The following RPTOR variants were observed in gnomAD, a reference collection of about 807,000 sequenced individuals.
RPTOR encodes regulatory-associated protein of mTOR.
In RPTOR, 21 loss-of-function variants were observed where a neutral mutation model predicts 169.9. The ratio of observed to expected loss-of-function variants is 0.12; its 90% CI spans 0.09 to 0.18. RPTOR has a LOEUF of 0.18. Ranked by LOEUF, RPTOR falls within the 10% of genes least tolerant of loss-of-function variation. The pLI is 1.00. For missense variants in RPTOR, 1,133 were observed against 1,855.9 expected (o/e 0.61, Z 7.16); for synonymous variants, 732 against 753.2 (o/e 0.97, Z 0.46).
At chr17:80,945,342 C>G (rs921326936) in intron 25 of RPTOR, among the ~76,000 whole-genome samples, 10 of 152,018 alleles carry the variant, frequency 6.6e-5, no homozygotes, top group African/African-American at 2.2e-4. Flanking sequence ...CCTGTAATCC[C>G]AGCACTTTGG....
Position 80,721,447 on chromosome 17 carries a change from G to A in RPTOR, c.508-9113G>A, listed in dbSNP as rs1316345128. ...GCACGCACCTGGTGCAGGAGCAGCA[G>A]AAGCCATGCTGGCTCTTCCTGCTGC... On this transcript the variant is annotated intron_variant, in intron 4 of 33. Transcript: ENST00000306801. The surrounding 1 kb of genome is among the most constrained non-coding windows in gnomAD (Gnocchi z 4.7). Among the ~76,000 whole-genome samples the A allele has an allele frequency of 6.6e-6, 1 of 151,476 alleles. No homozygotes were observed. Among genetic ancestry groups the A allele is most frequent in the Non-Finnish European group, 1.5e-5 (1 of 68,044 alleles).
At chr17:80,961,244 C>T (rs1271190114) in intron 30 of RPTOR, 150 bp from the exon 31 acceptor site, 2 of 665,458 alleles carry the variant, frequency 3.0e-6, no homozygotes, top group South Asian at 2.0e-5. Context: ...TCTGACCCTG[C>T]GTGAGCACTA....
chr17:80,911,908 C>T (rs1019808533), intron 21 of RPTOR, among the ~76,000 whole-genome samples: 7 of 152,164 alleles, frequency 4.6e-5, no homozygotes, highest in Non-Finnish European at 7.3e-5. Context: ...GCACAAACAC[C>T]CCTGAGGAAA....
intron 3 of RPTOR, among the ~76,000 whole-genome samples, chr17:80,671,149 G>A (rs2065818802): frequency 6.6e-6 from 1 of 152,094 alleles, no homozygotes; most frequent in Non-Finnish European, 1.5e-5. Flanking sequence ...CTTCCTCTGG[G>A]CTCACCATCT....
At chr17:80,869,994 A>G (rs982008547) in intron 13 of RPTOR, among the ~76,000 whole-genome samples, 1 of 152,164 alleles carries the variant, frequency 6.6e-6, no homozygotes, top group African/African-American at 2.4e-5. Context: ...GGTTGTTTTA[A>G]TAAGTTCCTC....
intron 6 of RPTOR, among the ~76,000 whole-genome samples, chr17:80,783,599 C>A (rs1258816082): frequency 6.6e-6 from 1 of 152,236 alleles, no homozygotes; most frequent in Non-Finnish European, 1.5e-5. Flanking sequence ...TATTCCATTG[C>A]CGGCCAGGCT....
rs1017265425 is a variant in RPTOR, at chr17:80,642,176, G to A, written c.266-1552G>A. ...CTTTGAGATGGAGTCTCACTCTGTC[G>A]CCCAGGCTGGAGTGCAGTGGCGTGA... is the stretch of plus-strand genomic sequence containing the variant. On this transcript the variant is annotated intron_variant, in intron 2 of 33. Coordinates refer to ENST00000306801, the MANE Select transcript of RPTOR (RefSeq NM_020761.3). Among the ~76,000 whole-genome samples the A allele has an allele frequency of 3.3e-5, 5 of 151,126 alleles. No individual in the cohort carries two copies. In the South Asian group the frequency reaches 6.3e-4, roughly 19 times the overall value.
intron 24 of RPTOR, among the ~76,000 whole-genome samples, chr17:80,929,595 T>C (rs1207756381): frequency 1.3e-5 from 2 of 152,220 alleles, no homozygotes; most frequent in African/African-American, 4.8e-5. Context: ...CCGCAGAGCA[T>C]GGGGATCTTG....
rs539515216 is a variant in RPTOR, at chr17:80,807,595, G to A, written c.891-14606G>A. On this transcript the variant is annotated intron_variant, in intron 7 of 33. Transcript: ENST00000306801. The stretch of plus-strand genomic sequence containing the variant: ...TTGAACTCCTGACCTCAGGTGATCC[G>A]CCCACCTTGGCTTCCCAAAGGGCTG... Among the ~76,000 whole-genome samples the A allele has an allele frequency of 1.0e-3, 158 of 152,172 alleles. 2 individuals are homozygous for A. Among genetic ancestry groups the A allele is most frequent in the African/African-American group, 3.3e-3 (139 of 41,526 alleles).
At chr17:80,954,380 C>A (rs968975169) in intron 28 of RPTOR, among the ~76,000 whole-genome samples, 41 of 146,874 alleles carry the variant, frequency 2.8e-4, no homozygotes, top group Non-Finnish European at 2.2e-4. Flanking sequence ...CCTCAGCCTC[C>A]CAAAGTGCTG....
Position 80,555,908 on chromosome 17 carries a change from C to T in RPTOR, c.162+10117C>T, listed in dbSNP as rs2084401508. ...GGGGCGAGACTGGAGGTGGGGGCACCAAGTGGAGAGGAGTTGTGCTAATCC... is the reference window on the plus strand; with the variant it reads ...GGGGCGAGACTGGAGGTGGGGGCACTAAGTGGAGAGGAGTTGTGCTAATCC... On this transcript the variant is annotated intron_variant, in intron 1 of 33. Coordinates refer to ENST00000306801, the MANE Select transcript of RPTOR (RefSeq NM_020761.3). Among the ~76,000 whole-genome samples, 4 of 151,852 alleles carry T rather than the reference C, an allele frequency of 2.6e-5. No homozygotes were observed. The South Asian group carries it at 8.3e-4, about 32-fold the overall frequency.
In RPTOR at chr17:80,943,463, G is replaced by A. The variant is rs1006534563; in HGVS notation, c.3026-2204G>A. Among the ~76,000 whole-genome samples the A allele has an allele frequency of 4.2e-4, 64 of 152,314 alleles. 1 individual carries two copies. The highest frequency in any genetic ancestry group is 1.5e-3 in the African/African-American group (62 of 41,572). ...GGAAACAGGGCCTCCCCGCAAAGCCGGAGTCCTGCTGGTGCACTTCCCGCC... is the reference window on the plus strand; with the variant it reads ...GGAAACAGGGCCTCCCCGCAAAGCCAGAGTCCTGCTGGTGCACTTCCCGCC... On this transcript the variant is annotated intron_variant, in intron 25 of 33. Coordinates refer to ENST00000306801, the MANE Select transcript of RPTOR (RefSeq NM_020761.3).
chr17:80,812,792 C>A (rs2143580880), intron 7 of RPTOR, among the ~76,000 whole-genome samples: 2 of 152,388 alleles, frequency 1.3e-5, no homozygotes. Flanking sequence ...CTGCCGTTAC[C>A]CGCAAGGGAG....
At chr17:80,921,120 G>C (rs2068739647) in intron 21 of RPTOR, among the ~76,000 whole-genome samples, 1 of 152,230 alleles carries the variant, frequency 6.6e-6, no homozygotes, top group African/African-American at 2.4e-5. Flanking sequence ...TGTTTTCCTT[G>C]GTGTTCTGTT....
At chr17:80,733,469 A>G (rs1050444058) in intron 5 of RPTOR, among the ~76,000 whole-genome samples, 17 of 152,232 alleles carry the variant, frequency 1.1e-4, no homozygotes, top group African/African-American at 3.4e-4. Context: ...CTGAGACTCT[A>G]TGACCAAAGG....
intron 11 of RPTOR, among the ~76,000 whole-genome samples, chr17:80,853,700 C>T (rs546080155): frequency 1.3e-5 from 2 of 152,188 alleles, no homozygotes; most frequent in Non-Finnish European, 2.9e-5. Flanking sequence ...AAAGCTTGGC[C>T]GGGCACGGTG....
intron 3 of RPTOR, among the ~76,000 whole-genome samples, chr17:80,692,587 C>G (rs1457820586): frequency 6.6e-6 from 1 of 151,962 alleles, no homozygotes; most frequent in Non-Finnish European, 1.5e-5. Flanking sequence ...TCCCAAAGTG[C>G]TAGGATTACA....
intron 24 of RPTOR, among the ~76,000 whole-genome samples, chr17:80,935,885 A>G (rs1037511984): frequency 6.6e-6 from 1 of 152,266 alleles, no homozygotes; most frequent in Non-Finnish European, 1.5e-5. Flanking sequence ...CATCAAAATT[A>G]AAAACTGCTT....
At chr17:80,904,846 C>G (rs1236417965) in intron 20 of RPTOR, among the ~76,000 whole-genome samples, 1 of 152,234 alleles carries the variant, frequency 6.6e-6, no homozygotes, top group Non-Finnish European at 1.5e-5. Context: ...GTTCCGTGAT[C>G]ACAGCGTCAT....
Sources: gnomAD v4.1 joint callset for allele counts (sites outside exome capture counted in the v4.1 genomes callset) on GRCh38, gnomAD v4.1.1 for gene constraint, Gnocchi (gnomAD v3.1) non-coding constraint, MANE v1.5 for transcripts, NCBI Gene and HGNC (gene_info 2026-07-23, HGNC 2026-07-21) for gene names.